Variants in MED12L observed in about 807,000 individuals in gnomAD.
MED12L encodes the protein mediator of RNA polymerase II transcription subunit 12-like protein.
A neutral mutation model predicts 281.3 loss-of-function variants in MED12L; 60 were observed. That is an observed-to-expected ratio of 0.21 (90% CI 0.17 to 0.26). The LOEUF is 0.26. MED12L is among the 10% of genes least tolerant of loss of function. The probability of loss-of-function intolerance (pLI) is 1.00; values close to 1 mark genes in which losing one functional copy is unlikely to be tolerated. For missense variants in MED12L, 2,146 were observed against 2,680.9 expected, an observed-to-expected ratio of 0.80 and a Z score of 4.41; for synonymous variants, 974 against 987.2, an observed-to-expected ratio of 0.99 and a Z score of 0.25.
intron 12 of MED12L, among the ~76,000 whole-genome samples, chr3:151,186,821 C>T (rs1471197569): frequency 1.3e-5 from 2 of 152,134 alleles, no homozygotes; most frequent in African/African-American, 4.8e-5. Flanking sequence ...TAATACCTAC[C>T]TTCCCCCTCT....
chr3:151,407,453 A>G (rs1716457506), intron 39 of MED12L, among the ~76,000 whole-genome samples: 1 of 152,238 alleles, frequency 6.6e-6, no homozygotes, highest in South Asian at 2.1e-4. Context: ...GTCTCTACAA[A>G]GAAGCACAAC....
chr3:151,225,519 A>T (rs1730312763), intron 16 of MED12L, among the ~76,000 whole-genome samples: 1 of 152,100 alleles, frequency 6.6e-6, no homozygotes, highest in Admixed American at 6.5e-5. Context: ...TGCTATCATG[A>T]TCTAATCATC....
intron 11 of MED12L, among the ~76,000 whole-genome samples, chr3:151,182,199 T>C (rs1017651274): frequency 6.6e-6 from 1 of 152,206 alleles, no homozygotes; most frequent in African/African-American, 2.4e-5. Flanking sequence ...CTAGATGTTA[T>C]AACAGTGCTT....
intron 4 of MED12L, 28 bp from the exon 5 acceptor site, chr3:151,127,797 A>G (rs779673373): frequency 2.0e-6 from 3 of 1,512,542 alleles, no homozygotes; most frequent in Non-Finnish European, 2.7e-6. Flanking sequence ...CGTGATTATT[A>G]TAAATATACT....
At chr3:151,209,278 G>T (rs1053514339) in intron 16 of MED12L, among the ~76,000 whole-genome samples, 2 of 152,280 alleles carry the variant, frequency 1.3e-5, no homozygotes, top group Non-Finnish European at 2.9e-5. Flanking sequence ...GCTTTGGGGC[G>T]CACTTTCTTG....
chr3:151,347,673 C>T (rs1752697078), intron 16 of MED12L, among the ~76,000 whole-genome samples: 1 of 151,982 alleles, frequency 6.6e-6, no homozygotes. Context: ...TAAGGCAGTT[C>T]GGTGTGGGTG....
At chr3:151,086,753 C>A in intron 1 of MED12L, 45 bp from the exon 2 acceptor site, 2 of 551,398 alleles carry the variant, frequency 3.6e-6, no homozygotes, top group Non-Finnish European at 3.2e-6. Context: ...TGTCTGCTGC[C>A]GGGCAGCGGC....
chr3:151,240,381 C>T lies in MED12L; in HGVS notation c.2250+46715C>T, dbSNP rs1486981655. On this transcript the variant is annotated intron_variant, in intron 16 of 44. Transcript: ENST00000687756. The stretch of plus-strand genomic sequence containing the variant: ...TCCAGTGGGATTTTACACTTTTATC[C>T]TAATAAGTTATTAGCAGGGATGGGA... Among the ~76,000 whole-genome samples, 3 of 152,282 alleles carry T rather than the reference C, an allele frequency of 2.0e-5. No homozygotes were observed. The East Asian group carries it at 5.8e-4, about 29-fold the overall frequency.
At chr3:151,139,064 G>A (rs769999345) in intron 5 of MED12L, among the ~76,000 whole-genome samples, 7 of 152,018 alleles carry the variant, frequency 4.6e-5, no homozygotes, top group Non-Finnish European at 2.9e-5. Context: ...ATTTCTATCA[G>A]TATTGATTCA....
At chr3:151,209,046 G>T (rs6440722) in intron 16 of MED12L, among the ~76,000 whole-genome samples, 124,586 of 152,176 alleles carry the variant, frequency 0.82, 51,134 homozygotes, top group African/African-American at 0.88. Context: ...TGGCTATGAC[G>T]GTGACCATGA....
At chr3:151,409,152 A>G in intron 39 of MED12L, 91 bp from the exon 40 acceptor site, 3 of 906,276 alleles carry the variant, frequency 3.3e-6, no homozygotes, top group Non-Finnish European at 5.1e-6. Context: ...ATGTAATGAG[A>G]TTAGATGTGG....
At chr3:151,260,640 T>C (rs548099783) in intron 16 of MED12L, among the ~76,000 whole-genome samples, 47 of 152,286 alleles carry the variant, frequency 3.1e-4, no homozygotes, top group African/African-American at 8.4e-4. Context: ...CCTGAACCAC[T>C]GCACCTGGCC....
chr3:151,352,026 G>T (rs1037767688), intron 17 of MED12L, among the ~76,000 whole-genome samples: 1 of 152,162 alleles, frequency 6.6e-6, no homozygotes, highest in Non-Finnish European at 1.5e-5. Context: ...TTGGATTTTG[G>T]ATAGTTTCAC....
intron 16 of MED12L, among the ~76,000 whole-genome samples, chr3:151,255,519 G>A (rs572965469): frequency 6.6e-4 from 100 of 152,088 alleles, no homozygotes; most frequent in Non-Finnish European, 1.1e-3. Flanking sequence ...TGCCATGGCT[G>A]GGGAGGAGGG....
intron 39 of MED12L, among the ~76,000 whole-genome samples, chr3:151,398,007 A>G (rs906779469): frequency 2.6e-5 from 4 of 151,974 alleles, no homozygotes; most frequent in Admixed American, 6.5e-5. Flanking sequence ...CCCTTTTCTT[A>G]TGAGGTCAGA....
intron 43 of MED12L, among the ~76,000 whole-genome samples, chr3:151,422,694 G>A (rs1168211672): frequency 1.3e-5 from 2 of 152,054 alleles, no homozygotes; most frequent in Non-Finnish European, 2.9e-5. Flanking sequence ...ACTCCAGCAT[G>A]TCTTTTTTAG....
intron 23 of MED12L, among the ~76,000 whole-genome samples, chr3:151,366,996 T>C (rs1755362332): frequency 6.6e-6 from 1 of 152,226 alleles, no homozygotes; most frequent in African/African-American, 2.4e-5. Flanking sequence ...CCTTGGCATA[T>C]GGTGCGAATC....
intron 21 of MED12L, among the ~76,000 whole-genome samples, chr3:151,361,050 C>T (rs1484740697): frequency 3.3e-5 from 5 of 151,938 alleles, no homozygotes; most frequent in Admixed American, 1.3e-4. Flanking sequence ...TTGTATTTTG[C>T]TTTATTTGTA....
Position 151,394,780 on chromosome 3 carries a change from G to A in MED12L, c.5733G>A (p.Ser1911=), listed in dbSNP as rs3732768. 0.24 allele frequency: 380,960 copies of A among 1,613,956 alleles called. 47,261 individuals are homozygous for A. The highest frequency in any genetic ancestry group is 0.37 in the South Asian group (33,536 of 91,078). The change falls in exon 39 of 45, where the codon TCG becomes TCA. Residue 1911 remains serine, a synonymous_variant. Transcript: ENST00000687756. ...CGCCTTCTCTTCATGCAATCACATC[G>A]CAGCAGCAGTTGATACAGATGAAGC... The part of the protein sequence containing the change: ...MQPPSLHAIT[S]QQQLIQMKLL...
Sources: gnomAD v4.1 joint callset for allele counts (sites outside exome capture counted in the v4.1 genomes callset) on GRCh38, gnomAD v4.1.1 for gene constraint, MANE v1.5 for transcripts, NCBI Gene and HGNC (gene_info 2026-07-23, HGNC 2026-07-21) for gene names.